Variants in C2CD3 observed in about 807,000 individuals in gnomAD.
The protein encoded by C2CD3 is C2 domain-containing protein 3.
C2CD3 carries 148 observed loss-of-function variants against 234.0 expected under a neutral mutation model. The observed-to-expected ratio is 0.63, with a 90% CI of 0.55 to 0.72. C2CD3 has a LOEUF of 0.72. Ranked by LOEUF, C2CD3 falls within the 30% of genes least tolerant of loss-of-function variation. C2CD3 has a pLI of 0.00. For missense variants in C2CD3, 2,577 were observed against 2,811.5 expected (o/e 0.92, Z 1.89); for synonymous variants, 1,000 against 1,035.4 (o/e 0.97, Z 0.66).
At chr11:74,110,071 ACT>A (rs1249055155) in intron 11 of C2CD3, among the ~76,000 whole-genome samples, 4 of 149,942 alleles carry the variant, frequency 2.7e-5, no homozygotes, top group African/African-American at 5.0e-5. Context: ...ACAGAGTGAG[ACT>A]CTGTCTCAAA....
intron 8 of C2CD3, among the ~76,000 whole-genome samples, chr11:74,121,974 G>A (rs1347600632): frequency 4.6e-5 from 7 of 152,000 alleles, no homozygotes; most frequent in Non-Finnish European, 8.8e-5. Flanking sequence ...TCTGCTTCTC[G>A]TTATTCCCTC....
chr11:74,170,928 C>T lies in C2CD3; in HGVS notation c.-136G>A, dbSNP rs2135582105. 3.9e-6 allele frequency: 6 copies of T among 1,520,444 alleles called. No homozygotes were observed. In the East Asian group the frequency reaches 9.6e-5, roughly 24 times the overall value. The allele number at this position is 1,520,444 out of a possible 1,614,324, so 94.2% of individuals were successfully genotyped here. A position where few individuals can be genotyped will look rare whatever the true frequency, so the allele number is the denominator to read the frequency against. On this transcript the variant is annotated 5_prime_UTR_variant, in exon 1 of 33. Transcript: ENST00000334126. ...GGGCAGCCTGGGAGGCAGGAAAAAG[C>T]GACTCTTCCTCTAACAGTCTCCGGA...
intron 3 of C2CD3, among the ~76,000 whole-genome samples, chr11:74,155,386 C>T (rs980979183): frequency 2.6e-5 from 4 of 152,168 alleles, no homozygotes; most frequent in African/African-American, 9.7e-5. Flanking sequence ...TATGGCCCAG[C>T]AATTCCACTT....
At chr11:74,161,818 T>G (rs1856492513) in intron 2 of C2CD3, among the ~76,000 whole-genome samples, 4 of 149,604 alleles carry the variant, frequency 2.7e-5, no homozygotes, top group Admixed American at 2.7e-4. Flanking sequence ...TTCTACTTTT[T>G]TTTTTTTTTT....
intron 3 of C2CD3, among the ~76,000 whole-genome samples, chr11:74,160,268 G>A (rs1208446264): frequency 6.6e-6 from 1 of 152,066 alleles, no homozygotes; most frequent in Non-Finnish European, 1.5e-5. Context: ...AATAAAATCA[G>A]TATGTCAATG....
intron 24 of C2CD3, among the ~76,000 whole-genome samples, chr11:74,065,834 T>G (rs1477445923): frequency 7.0e-6 from 1 of 143,146 alleles, no homozygotes; most frequent in Non-Finnish European, 1.5e-5. Flanking sequence ...AAACACCGCA[T>G]GTTTTCACTC....
chr11:74,037,788 C>A, intron 29 of C2CD3, 90 bp from the exon 30 acceptor site: 1 of 979,738 alleles, frequency 1.0e-6, no homozygotes. Context: ...CCGCTTGAGC[C>A]AAAGCCTTAA....
intron 9 of C2CD3, among the ~76,000 whole-genome samples, chr11:74,115,089 T>C (rs1309013375): frequency 6.6e-6 from 1 of 150,822 alleles, no homozygotes; most frequent in Non-Finnish European, 1.5e-5. Flanking sequence ...TCTCAAAAAA[T>C]GTAAAAAAAA....
At position 74,085,382 on chromosome 11, in the gene C2CD3, C is replaced by G. The variant is rs527346681; in HGVS notation, c.3910+236G>C. 1.4e-4 allele frequency: 71 copies of G among 506,486 alleles called. No homozygotes were observed. The South Asian group carries it at 2.0e-3, about 14-fold the overall frequency. 31.4% of individuals were successfully genotyped at this position (506,486 alleles called of 1,614,324 possible). On this transcript the variant is annotated intron_variant, in intron 21 of 32. Coordinates refer to ENST00000334126, the MANE Select transcript of C2CD3 (RefSeq NM_001286577.2). The stretch of plus-strand genomic sequence containing the variant: ...AATATAATAATGAACTCCTACACAC[C>G]CTTCATCTCGATACACCCATTAACA...
At chr11:74,170,631 C>G in intron 1 of C2CD3, 107 bp downstream of exon 1, 1 of 1,325,452 alleles carries the variant, frequency 7.5e-7, no homozygotes, top group South Asian at 1.2e-5. Context: ...CTACTTCCTT[C>G]TTACGTCCCT....
chr11:74,119,891 C>T (rs1317587905), intron 8 of C2CD3, among the ~76,000 whole-genome samples: 1 of 152,106 alleles, frequency 6.6e-6, no homozygotes, highest in Non-Finnish European at 1.5e-5. Context: ...CCACTTTGGC[C>T]TCCTGAAGTG....
chr11:74,075,560 G>A (rs1159320710), intron 23 of C2CD3, among the ~76,000 whole-genome samples: 2 of 152,092 alleles, frequency 1.3e-5, no homozygotes, highest in Non-Finnish European at 2.9e-5. Flanking sequence ...ATTAAAATGA[G>A]ATTTATAAAA....
At chr11:74,170,591 G>T in intron 1 of C2CD3, 147 bp downstream of exon 1, 2 of 874,314 alleles carry the variant, frequency 2.3e-6, no homozygotes, top group Non-Finnish European at 3.6e-6. Context: ...AGGGCCAATT[G>T]CCCTTCCTTT....
chr11:74,094,304 T>C (rs1956024319), intron 17 of C2CD3, among the ~76,000 whole-genome samples: 1 of 152,134 alleles, frequency 6.6e-6, no homozygotes, highest in Non-Finnish European at 1.5e-5. Flanking sequence ...TCAGTATTTT[T>C]CCATGTGCTT....
intron 12 of C2CD3, among the ~76,000 whole-genome samples, chr11:74,107,245 A>C (rs976148600): frequency 1.3e-5 from 2 of 152,076 alleles, no homozygotes; most frequent in Admixed American, 6.6e-5. Flanking sequence ...GAATCGCTCG[A>C]ACCCAGGAGG....
At chr11:74,096,316 T>A (rs2135488315) in intron 16 of C2CD3, among the ~76,000 whole-genome samples, 1 of 152,310 alleles carries the variant, frequency 6.6e-6, no homozygotes, top group South Asian at 2.1e-4. Flanking sequence ...TGAGACTATA[T>A]GATATACATG....
At position 74,030,199 on chromosome 11, in the gene C2CD3, G is replaced by A. The variant is rs76297776; in HGVS notation, c.6810-1801C>T. 4.5e-3 allele frequency among the ~76,000 whole-genome samples: 686 copies of A among 152,120 alleles called. 3 individuals are homozygous for A. Among genetic ancestry groups the A allele is most frequent in the Non-Finnish European group, 6.5e-3 (445 of 68,004 alleles). Reference sequence around the variant, plus strand: ...TCACTTACTAGATGGATAACTTCAGGAAAGTTCACTTTTTGTGCCGCAATT... The same window carrying A: ...TCACTTACTAGATGGATAACTTCAGAAAAGTTCACTTTTTGTGCCGCAATT... On this transcript the variant is annotated intron_variant, in intron 31 of 32. Coordinates refer to ENST00000334126, the MANE Select transcript of C2CD3 (RefSeq NM_001286577.2).
At chr11:74,043,073 T>G (rs1050683003) in intron 28 of C2CD3, among the ~76,000 whole-genome samples, 1 of 152,230 alleles carries the variant, frequency 6.6e-6, no homozygotes, top group African/African-American at 2.4e-5. Flanking sequence ...TATATGCAGT[T>G]ACGTAACTGT....
chr11:74,110,436 A>G (rs1400486312), intron 11 of C2CD3: 1 of 152,224 alleles, frequency 6.6e-6, no homozygotes, highest in Non-Finnish European at 1.5e-5. Flanking sequence ...GGACCTTGCT[A>G]TGTGGATCAA....
Sources: allele counts gnomAD v4.1 joint callset (sites outside exome capture counted in the v4.1 genomes callset), GRCh38; gene constraint gnomAD v4.1.1; transcripts MANE v1.5; gene names NCBI Gene and HGNC (gene_info 2026-07-23, HGNC 2026-07-21).